Variants in IP6K2 observed in about 807,000 individuals in gnomAD.
The protein encoded by IP6K2 is ATP:1D-myo-inositol-hexakisphosphate phosphotransferase.
IP6K2 carries 9 observed loss-of-function variants against 43.3 expected under a neutral mutation model. The observed-to-expected ratio is 0.21, with a 90% CI of 0.13 to 0.36. IP6K2 has a LOEUF of 0.36. Ranked by LOEUF, IP6K2 falls within the 10% of genes least tolerant of loss-of-function variation. The pLI is 1.00. For missense variants in IP6K2, 332 were observed against 538.4 expected (o/e 0.62, Z 3.79); for synonymous variants, 209 against 202.4 (o/e 1.03, Z -0.28).
intron 3 of IP6K2, 112 bp from the exon 4 acceptor site, chr3:48,691,594 T>C (rs2077784352): frequency 1.4e-6 from 1 of 689,796 alleles, no homozygotes. Context: ...GATGGGCAGA[T>C]CACTTGAGAT....
chr3:48,703,021 T>C lies in IP6K2; in HGVS notation c.-130-7600A>G, dbSNP rs117009104. 1.3e-3 allele frequency among the ~76,000 whole-genome samples: 193 copies of C among 152,372 alleles called. 5 individuals are homozygous for C. The East Asian group carries it at 0.035, about 28-fold the overall frequency. On this transcript the variant is annotated intron_variant, in intron 1 of 5. Coordinates refer to ENST00000328631, the MANE Select transcript of IP6K2 (RefSeq NM_016291.4). The stretch of plus-strand genomic sequence containing the variant: ...TTAAAATGTGGCCTGCTGCACACTT[T>C]ACAAAATGCATTCCAAGCACTGGCT...
intron 1 of IP6K2, chr3:48,716,949 A>G (rs995676778): frequency 3.9e-5 from 6 of 152,208 alleles, no homozygotes; most frequent in East Asian, 1.9e-4. Flanking sequence ...CCCTCCCCCA[A>G]TGATCAGAAG....
At chr3:48,714,247 A>C (rs534623698) in intron 1 of IP6K2, among the ~76,000 whole-genome samples, 1 of 152,152 alleles carries the variant, frequency 6.6e-6, no homozygotes, top group Non-Finnish European at 1.5e-5. Flanking sequence ...TTGTATTTTT[A>C]GTAGAGACAG....
intron 4 of IP6K2, among the ~76,000 whole-genome samples, chr3:48,690,007 T>C (rs1180625133): frequency 6.6e-6 from 1 of 152,224 alleles, no homozygotes; most frequent in Non-Finnish European, 1.5e-5. Context: ...TAGCTAAGTG[T>C]AGGACTAGGG....
intron 5 of IP6K2, among the ~76,000 whole-genome samples, chr3:48,689,213 C>A (rs1575583022): frequency 6.6e-6 from 1 of 152,188 alleles, no homozygotes; most frequent in Non-Finnish European, 1.5e-5. Flanking sequence ...AGTGCAATGG[C>A]GTGATCTCAG....
chr3:48,708,478 G>A (rs905181599), intron 1 of IP6K2, among the ~76,000 whole-genome samples: 10 of 151,840 alleles, frequency 6.6e-5, no homozygotes, highest in East Asian at 3.8e-4. Flanking sequence ...TGATCCTTCC[G>A]CCTTAGTCTC....
At chr3:48,691,803 A>T (rs1035381368) in intron 3 of IP6K2, among the ~76,000 whole-genome samples, 4 of 150,402 alleles carry the variant, frequency 2.7e-5, no homozygotes, top group South Asian at 2.1e-4. Flanking sequence ...AAAGACTCAA[A>T]AAATAAATAA....
At chr3:48,689,144 T>C (rs1468078435) in intron 5 of IP6K2, among the ~76,000 whole-genome samples, 2 of 152,238 alleles carry the variant, frequency 1.3e-5, no homozygotes, top group African/African-American at 4.8e-5. Context: ...AACAGACTCA[T>C]GTAGGGTCAA....
At chr3:48,704,820 C>T (rs1418859241) in intron 1 of IP6K2, among the ~76,000 whole-genome samples, 1 of 151,794 alleles carries the variant, frequency 6.6e-6, no homozygotes, top group Non-Finnish European at 1.5e-5. Context: ...GCTCTGTTGC[C>T]CAGGCTAGAG....
intron 1 of IP6K2, among the ~76,000 whole-genome samples, chr3:48,710,871 A>G (rs1456938256): frequency 1.3e-5 from 2 of 152,060 alleles, no homozygotes; most frequent in Non-Finnish European, 2.9e-5. Context: ...GGCCGCCCAA[A>G]GTGCTGGGAT....
chr3:48,695,456 AAG>A lies in IP6K2; in HGVS notation c.-130-37_-130-36del. 2 of 1,403,262 alleles carry A rather than the reference AAG, an allele frequency of 1.4e-6. No homozygotes were observed. The highest frequency in any genetic ancestry group is 3.3e-5 in the South Asian group (2 of 61,222). 86.9% of individuals were successfully genotyped at this position (1,403,262 alleles called of 1,614,324 possible). ...AACAAAATGATGACATGGGGGTTCG[AAG>A]TAGCGTGGGAAGTGCCTTAGAGCTG... On this transcript the variant is annotated intron_variant, in intron 1 of 5. Transcript: ENST00000328631. The surrounding 1 kb of genome is among the most constrained non-coding windows in gnomAD (Gnocchi z 4.6).
intron 1 of IP6K2, among the ~76,000 whole-genome samples, chr3:48,703,527 A>G (rs1575689400): frequency 7.0e-6 from 1 of 143,346 alleles, no homozygotes; most frequent in East Asian, 2.1e-4. Context: ...ACACGGTGAA[A>G]CCCCATCTCT....
chr3:48,715,544 A>C, intron 1 of IP6K2: 1 of 1,315,662 alleles, frequency 7.6e-7, no homozygotes, highest in Non-Finnish European at 1.1e-6. Context: ...AACACAAAAG[A>C]AATCTATTAT....
At chr3:48,714,972 C>T (rs898378901) in intron 1 of IP6K2, among the ~76,000 whole-genome samples, 1 of 151,934 alleles carries the variant, frequency 6.6e-6, no homozygotes, top group African/African-American at 2.4e-5. Flanking sequence ...ATCAACTGTG[C>T]ATCATCTCGG....
intron 5 of IP6K2, among the ~76,000 whole-genome samples, chr3:48,689,134 AAC>A (rs2077561516): frequency 6.6e-6 from 1 of 152,222 alleles, no homozygotes; most frequent in Non-Finnish European, 1.5e-5. Flanking sequence ...ACCAAAAAGC[AAC>A]AGACTCATGT....
At chr3:48,710,031 C>T (rs1011452977) in intron 1 of IP6K2, among the ~76,000 whole-genome samples, 4 of 152,166 alleles carry the variant, frequency 2.6e-5, no homozygotes, top group Admixed American at 2.0e-4. Context: ...GCAAAGGTCA[C>T]ACTGATCTCT....
intron 1 of IP6K2, among the ~76,000 whole-genome samples, chr3:48,714,542 G>A (rs1326794058): frequency 1.3e-5 from 2 of 152,022 alleles, no homozygotes; most frequent in African/African-American, 4.8e-5. Flanking sequence ...CCAGGCACCT[G>A]CCACAGAGGC....
intron 1 of IP6K2, among the ~76,000 whole-genome samples, chr3:48,716,877 C>G (rs566537200): frequency 2.6e-5 from 4 of 152,100 alleles, no homozygotes; most frequent in Non-Finnish European, 5.9e-5. Context: ...TGCCCTCCCC[C>G]AAACCCGGGA....
intron 1 of IP6K2, among the ~76,000 whole-genome samples, chr3:48,696,381 A>T (rs1300666362): frequency 1.3e-5 from 2 of 152,148 alleles, no homozygotes; most frequent in Non-Finnish European, 2.9e-5. Context: ...TCTAAAAACA[A>T]CTGATCAAGG....
Sources: allele counts gnomAD v4.1 joint callset (sites outside exome capture counted in the v4.1 genomes callset), GRCh38; gene constraint gnomAD v4.1.1; non-coding constraint Gnocchi (gnomAD v3.1); transcripts MANE v1.5; gene names NCBI Gene and HGNC (gene_info 2026-07-23, HGNC 2026-07-21).